KYNU: variants seen among roughly 807,000 people sequenced by gnomAD.
KYNU encodes L-kynurenine hydrolase.
A neutral mutation model predicts 59.2 loss-of-function variants in KYNU; 54 were observed. That is an observed-to-expected ratio of 0.91 (90% CI 0.73 to 1.14). The LOEUF is 1.14. Ranked by LOEUF, KYNU falls within the 50% of genes most tolerant of loss-of-function variation. KYNU has a pLI of 0.00. For missense variants in KYNU, 567 were observed against 554.4 expected (o/e 1.02, Z -0.23); for synonymous variants, 177 against 192.0 (o/e 0.92, Z 0.65).
chr2:143,010,020 T>A (rs562430326), intron 10 of KYNU, among the ~76,000 whole-genome samples: 1 of 141,192 alleles, frequency 7.1e-6, no homozygotes, highest in Non-Finnish European at 1.5e-5. Flanking sequence ...ATGCCCTCTC[T>A]CACCACTCCT....
At chr2:143,029,039 A>G (rs1466494737) in intron 10 of KYNU, among the ~76,000 whole-genome samples, 1 of 152,196 alleles carries the variant, frequency 6.6e-6, no homozygotes, top group African/African-American at 2.4e-5. Flanking sequence ...TAAAATAAAA[A>G]CTGCTTAATA....
At chr2:143,013,788 C>A (rs1686179256) in intron 10 of KYNU, among the ~76,000 whole-genome samples, 1 of 152,158 alleles carries the variant, frequency 6.6e-6, no homozygotes, top group African/African-American at 2.4e-5. Context: ...AGATGATATA[C>A]AGAACACTCA....
intron 4 of KYNU, chr2:142,947,253 A>G (rs1683820684): frequency 3.9e-6 from 6 of 1,545,930 alleles, no homozygotes; most frequent in African/African-American, 2.7e-5. Context: ...AGAGAGGAAG[A>G]TTTTCAAGTA....
chr2:142,925,738 T>C (rs940837837), intron 3 of KYNU, among the ~76,000 whole-genome samples: 1 of 152,192 alleles, frequency 6.6e-6, no homozygotes, highest in African/African-American at 2.4e-5. Flanking sequence ...ATTTATACCT[T>C]GGAAATCTGC....
Position 143,053,180 on chromosome 2 carries a change from TC to T in KYNU, c.*11012del, listed in dbSNP as rs2104936546. On this transcript the variant is annotated 3_prime_UTR_variant, in exon 14 of 14. Coordinates refer to ENST00000264170, the MANE Select transcript of KYNU (RefSeq NM_003937.3). ...TGGCTGTATTTACCCAATGCCTGTA[TC>T]CCCATTGTATCTAGGAAGTAACTAA... is the stretch of plus-strand genomic sequence containing the variant. 1 of 152,326 alleles carries T rather than the reference TC, an allele frequency of 6.6e-6. No homozygotes were observed. Among genetic ancestry groups the T allele is most frequent in the African/African-American group, 2.4e-5 (1 of 41,564 alleles). 9.4% of individuals were successfully genotyped at this position (152,326 alleles called of 1,614,324 possible). A position where few individuals can be genotyped will look rare whatever the true frequency, so the allele number is the denominator to read the frequency against.
chr2:142,926,252 C>T (rs930738444), intron 3 of KYNU, among the ~76,000 whole-genome samples: 2 of 151,514 alleles, frequency 1.3e-5, no homozygotes, highest in African/African-American at 4.9e-5. Flanking sequence ...ACGTTCTGCA[C>T]ATGTATCCCA....
chr2:142,921,887 G>A (rs1682897898), intron 3 of KYNU, among the ~76,000 whole-genome samples: 1 of 152,140 alleles, frequency 6.6e-6, no homozygotes, highest in Non-Finnish European at 1.5e-5. Context: ...TCAGTGGTCT[G>A]TTGGTCTCTT....
intron 10 of KYNU, among the ~76,000 whole-genome samples, chr2:142,996,207 A>G (rs961876935): frequency 3.3e-5 from 5 of 152,072 alleles, no homozygotes; most frequent in Admixed American, 1.3e-4. Flanking sequence ...GGCCATCCAA[A>G]TTCGATTGAC....
chr2:142,878,320 A>G (rs1488956040), intron 1 of KYNU, among the ~76,000 whole-genome samples: 1 of 152,122 alleles, frequency 6.6e-6, no homozygotes, highest in Admixed American at 6.5e-5. Flanking sequence ...GTTATTTAGT[A>G]GTAACACTGA....
At position 143,052,841 on chromosome 2, in the gene KYNU, C is replaced by A. The variant is rs1331021501; in HGVS notation, c.*10669C>A. The A allele has an allele frequency of 1.3e-5, 2 of 152,268 alleles. No individual in the cohort carries two copies. Among genetic ancestry groups the A allele is most frequent in the African/African-American group, 2.4e-5 (1 of 41,452 alleles). The allele number at this position is 152,268 out of a possible 1,614,324, so 9.4% of individuals were successfully genotyped here. A position where few individuals can be genotyped will look rare whatever the true frequency, so the allele number is the denominator to read the frequency against. On this transcript the variant is annotated 3_prime_UTR_variant, in exon 14 of 14. Transcript: ENST00000264170. ...CCCATACAGAGTCCCTACTGAGGCACCACCTAGTGGAGCTTTGAGAAGAGG... is the reference window on the plus strand; with the variant it reads ...CCCATACAGAGTCCCTACTGAGGCAACACCTAGTGGAGCTTTGAGAAGAGG...
At position 142,960,750 on chromosome 2, in the gene KYNU, A is replaced by C; in HGVS notation, c.709A>C (p.Thr237Pro). 1.2e-6 allele frequency: 2 copies of C among 1,614,076 alleles called. No individual in the cohort carries two copies. The highest frequency in any genetic ancestry group is 2.2e-5 in the East Asian group (1 of 44,864). ...ACAGCACTTTAATATTCCTGCCATC[A>C]CAAAAGCTGGACAAGCGAAGGTATG... ...TGQHFNIPAI[T>P]KAGQAKGCYV... is the part of the protein sequence containing the mutation. The change falls in exon 8 of 14, where the codon ACA (threonine) becomes CCA (proline). Residue 237 changes from threonine to proline, a missense_variant. Coordinates refer to ENST00000264170, the MANE Select transcript of KYNU (RefSeq NM_003937.3).
At chr2:142,883,226 C>T (rs1288181836) in intron 1 of KYNU, among the ~76,000 whole-genome samples, 10 of 120,704 alleles carry the variant, frequency 8.3e-5, no homozygotes, top group African/African-American at 1.3e-4. Context: ...GATGGAGTCT[C>T]GCTGTCGCCC....
chr2:142,905,145 G>T (rs1254371955), intron 2 of KYNU, among the ~76,000 whole-genome samples: 2 of 152,186 alleles, frequency 1.3e-5, no homozygotes, highest in African/African-American at 4.8e-5. Context: ...GTAGGAATAT[G>T]CCCTAAATAT....
At chr2:142,908,485 T>C (rs1021414469) in intron 2 of KYNU, among the ~76,000 whole-genome samples, 19 of 117,720 alleles carry the variant, frequency 1.6e-4, no homozygotes, top group African/African-American at 7.2e-4. Context: ...TATAAGGAAC[T>C]GGTTGTGGGA....
At chr2:143,028,775 A>T (rs1686652898) in intron 10 of KYNU, among the ~76,000 whole-genome samples, 1 of 151,908 alleles carries the variant, frequency 6.6e-6, no homozygotes, top group African/African-American at 2.4e-5. Context: ...TTGAACCCGG[A>T]AGGCGGAGGT....
chr2:143,030,797 A>G (rs1176214733), intron 11 of KYNU, among the ~76,000 whole-genome samples: 1 of 21,796 alleles, frequency 4.6e-5, no homozygotes, highest in Non-Finnish European at 1.9e-4. Context: ...TGAAAATATC[A>G]TAAGTAAAAA....
chr2:142,918,848 C>T (rs1294776209), intron 3 of KYNU, 119 bp downstream of exon 3: 5 of 1,184,034 alleles, frequency 4.2e-6, no homozygotes, highest in Admixed American at 2.0e-5. Context: ...CATCCCTTGG[C>T]ATCTGTGGAG....
intron 2 of KYNU, among the ~76,000 whole-genome samples, chr2:142,905,999 C>G (rs1470680233): frequency 6.6e-6 from 1 of 152,082 alleles, no homozygotes; most frequent in Non-Finnish European, 1.5e-5. Context: ...TCTCTCATCT[C>G]TGTCTCTCTC....
At chr2:142,999,787 T>C (rs75798486) in intron 10 of KYNU, among the ~76,000 whole-genome samples, 4,069 of 152,240 alleles carry the variant, frequency 0.027, 178 homozygotes, top group African/African-American at 0.093. Flanking sequence ...CATGTCTTTA[T>C]TTCACAAGGG....
Sources: gnomAD v4.1 joint callset for allele counts (sites outside exome capture counted in the v4.1 genomes callset) on GRCh38, gnomAD v4.1.1 for gene constraint, MANE v1.5 for transcripts, NCBI Gene and HGNC (gene_info 2026-07-23, HGNC 2026-07-21) for gene names.